Variants in SLC31A1 observed in about 807,000 individuals in gnomAD.
SLC31A1 encodes high affinity copper uptake protein 1.
A neutral mutation model predicts 17.2 loss-of-function variants in SLC31A1; 5 were observed. That is an observed-to-expected ratio of 0.29 (90% CI 0.15 to 0.61). The LOEUF (loss-of-function observed/expected upper bound fraction) is 0.61, where lower values mean the gene tolerates loss of function less well. Ranked by LOEUF, SLC31A1 falls within the 20% of genes least tolerant of loss-of-function variation. SLC31A1 has a pLI of 0.86. For synonymous variants in SLC31A1, 76 were observed against 78.8 expected (o/e 0.96, Z 0.19); for missense variants, 161 against 241.4 (o/e 0.67, Z 2.21).
At position 113,258,914 on chromosome 9, in the gene SLC31A1, C is replaced by T; in HGVS notation, c.371+52C>T. On this transcript the variant is annotated intron_variant, in intron 4 of 4. Transcript: ENST00000374212. This position sits in a 1 kb window ranked among gnomAD's most constrained non-coding sequence, Gnocchi z 4.8. ...GTCCTAAAGAACTCGATCAGTTAAG[C>T]AGCAAAGCGCAGCTGTGTGATCAGC... 1 of 1,556,170 alleles carries T rather than the reference C, an allele frequency of 6.4e-7. No homozygotes were observed. Among genetic ancestry groups the T allele is most frequent in the Non-Finnish European group, 8.9e-7 (1 of 1,127,372 alleles).
intron 1 of SLC31A1, among the ~76,000 whole-genome samples, chr9:113,224,784 T>C (rs957728484): frequency 1.3e-5 from 2 of 152,216 alleles, no homozygotes; most frequent in African/African-American, 4.8e-5. Context: ...GTTTTAGAAA[T>C]AACTACTAGA....
intron 1 of SLC31A1, among the ~76,000 whole-genome samples, chr9:113,233,289 G>A (rs1362746970): frequency 6.6e-6 from 1 of 151,176 alleles, no homozygotes; most frequent in Non-Finnish European, 1.5e-5. Flanking sequence ...TTGAATAGCT[G>A]CCATAATAAA....
At chr9:113,253,047 G>A (rs887046057) in intron 1 of SLC31A1, among the ~76,000 whole-genome samples, 2 of 147,846 alleles carry the variant, frequency 1.4e-5, no homozygotes, top group Admixed American at 1.4e-4. Flanking sequence ...TCCGCCTCCC[G>A]GGTTCACGCC....
chr9:113,228,913 C>T (rs968793802), intron 1 of SLC31A1, among the ~76,000 whole-genome samples: 14 of 150,328 alleles, frequency 9.3e-5, no homozygotes, highest in Non-Finnish European at 1.6e-4. Flanking sequence ...ATAGTGTGAT[C>T]TCGGCTCATT....
At position 113,258,262 on chromosome 9, in the gene SLC31A1, G is replaced by A. The variant is rs1035906275; in HGVS notation, c.203-432G>A. On this transcript the variant is annotated intron_variant, in intron 3 of 4. Coordinates refer to ENST00000374212, the MANE Select transcript of SLC31A1 (RefSeq NM_001859.4). This position sits in a 1 kb window ranked among gnomAD's most constrained non-coding sequence, Gnocchi z 4.8. ...GTTCAGGTAATGTGTTAAATTAGCA[G>A]TTTGAATACATTTATATCATTACCA... Among the ~76,000 whole-genome samples the A allele has an allele frequency of 1.3e-5, 2 of 152,176 alleles. No homozygotes were observed. The highest frequency in any genetic ancestry group is 2.9e-5 in the Non-Finnish European group (2 of 68,034).
intron 1 of SLC31A1, among the ~76,000 whole-genome samples, chr9:113,244,093 T>C (rs879928737): frequency 7.0e-6 from 1 of 142,026 alleles, no homozygotes; most frequent in Non-Finnish European, 1.5e-5. Context: ...AGGCGGAGCT[T>C]TCAGTGAGCC....
At chr9:113,224,600 G>A (rs1288676842) in intron 1 of SLC31A1, among the ~76,000 whole-genome samples, 1 of 152,096 alleles carries the variant, frequency 6.6e-6, no homozygotes, top group South Asian at 2.1e-4. Context: ...GGCTAATTTT[G>A]TATTTTTAGT....
chr9:113,244,505 C>T (rs575226111), intron 1 of SLC31A1, among the ~76,000 whole-genome samples: 1 of 151,896 alleles, frequency 6.6e-6, no homozygotes, highest in South Asian at 2.1e-4. Context: ...CTGTCAGGGT[C>T]AGAAAAAAAC....
At position 113,256,234 on chromosome 9, in the gene SLC31A1, C is replaced by T; in HGVS notation, c.86C>T (p.Ala29Val). Reference protein sequence around the residue: ...QPSHHHPTTSASHSHGGGDSS... With the variant: ...QPSHHHPTTSVSHSHGGGDSS... ...TCTCACCATCACCCAACCACTTCAG[C>T]CTCACACTCCCATGGTGGAGGAGAC... is the stretch of plus-strand genomic sequence containing the variant. The change falls in exon 2 of 5, where the codon GCC becomes GTC. Residue 29 changes from alanine to valine, a missense_variant. Physicochemically the swap from Ala to Val is moderately conservative, Grantham distance 64. Transcript: ENST00000374212. 6.2e-7 allele frequency: 1 copy of T among 1,613,916 alleles called. No homozygotes were observed. The highest frequency in any genetic ancestry group is 8.5e-7 in the Non-Finnish European group (1 of 1,180,002).
intron 1 of SLC31A1, among the ~76,000 whole-genome samples, chr9:113,252,933 A>T (rs1453727023): frequency 6.7e-6 from 1 of 149,550 alleles, no homozygotes; most frequent in African/African-American, 2.5e-5. Context: ...GGCTAGCGAA[A>T]GTCTTTTCTT....
At chr9:113,256,985 C>A in intron 2 of SLC31A1, 128 bp from the exon 3 acceptor site, 1 of 791,398 alleles carries the variant, frequency 1.3e-6, no homozygotes, top group South Asian at 1.4e-5. Context: ...GGGCAAAAGC[C>A]TCCCACTCAC....
At chr9:113,247,213 T>C (rs1831590819) in intron 1 of SLC31A1, among the ~76,000 whole-genome samples, 1 of 152,186 alleles carries the variant, frequency 6.6e-6, no homozygotes. Context: ...ACTAGATAGA[T>C]TTCTCTTTGT....
chr9:113,230,357 A>G (rs1356304208), intron 1 of SLC31A1, among the ~76,000 whole-genome samples: 1 of 152,160 alleles, frequency 6.6e-6, no homozygotes, highest in Non-Finnish European at 1.5e-5. Flanking sequence ...CCAAAGTAGT[A>G]CAAAAGTAGA....
rs963171679 is a variant in SLC31A1 at position 113,258,811 on chromosome 9, C to G, written c.320C>G (p.Pro107Arg). 6.2e-7 allele frequency: 1 copy of G among 1,614,130 alleles called. No individual in the cohort carries two copies. The highest frequency in any genetic ancestry group is 1.3e-5 in the African/African-American group (1 of 74,946). ...GTCAGCATTCGCTACAATTCCATGC[C>G]TGTCCCAGGACCAAATGGAACCATC... is the stretch of plus-strand genomic sequence containing the variant. ...SQVSIRYNSM[P>R]VPGPNGTILM... The change falls in exon 4 of 5, where the codon CCT (proline) becomes CGT (arginine). Residue 107 changes from proline to arginine, a missense_variant. Transcript: ENST00000374212. The surrounding 1 kb of genome is among the most constrained non-coding windows in gnomAD (Gnocchi z 4.8).
At chr9:113,222,205 A>G (rs1388508161) in intron 1 of SLC31A1, among the ~76,000 whole-genome samples, 3 of 152,158 alleles carry the variant, frequency 2.0e-5, no homozygotes, top group Non-Finnish European at 4.4e-5. Context: ...ACCTCGAGGA[A>G]AGTCCCCTTT....
In SLC31A1 at chr9:113,260,611, A is replaced by ACACACACACACACACC; in HGVS notation, c.*139_*140insACACACACACACACCC. The ACACACACACACACACC allele has an allele frequency of 1.4e-6, 1 of 700,762 alleles. No individual in the cohort carries two copies. The highest frequency in any genetic ancestry group is 2.5e-6 in the Non-Finnish European group (1 of 396,984). The allele number at this position is 700,762 out of a possible 1,614,324, so 43.4% of individuals were successfully genotyped here. On this transcript the variant is annotated 3_prime_UTR_variant, in exon 5 of 5. Transcript: ENST00000374212. ...CACACACACACACACACACACACAC[A>ACACACACACACACACC]CCCCTGCTCAACAGAGGTTTAGTTT...
intron 1 of SLC31A1, among the ~76,000 whole-genome samples, chr9:113,228,294 G>A (rs1461776604): frequency 6.6e-6 from 1 of 152,152 alleles, no homozygotes; most frequent in Non-Finnish European, 1.5e-5. Context: ...GGCTACAAAA[G>A]GATCCTGTAA....
chr9:113,249,825 T>G (rs943052150), intron 1 of SLC31A1, among the ~76,000 whole-genome samples: 6 of 150,278 alleles, frequency 4.0e-5, no homozygotes, highest in Non-Finnish European at 7.4e-5. Context: ...CAAACAAATT[T>G]ACAAGAAAAA....
rs140819873 is a variant in SLC31A1, at chr9:113,252,565, A to G, written c.-35-3549A>G. ...TGGCCTCCCAAAGTGCTGGGATTAC[A>G]GGGTGAGCCACCGCACCCAGCCTAG... On this transcript the variant is annotated intron_variant, in intron 1 of 4. Coordinates refer to ENST00000374212, the MANE Select transcript of SLC31A1 (RefSeq NM_001859.4). Among the ~76,000 whole-genome samples, 1,107 of 152,304 alleles carry G rather than the reference A, an allele frequency of 7.3e-3. 9 individuals are homozygous for G. Among genetic ancestry groups the G allele is most frequent in the Non-Finnish European group, 0.012 (802 of 68,020 alleles).
Sources: allele counts gnomAD v4.1 joint callset (sites outside exome capture counted in the v4.1 genomes callset), GRCh38; gene constraint gnomAD v4.1.1; non-coding constraint Gnocchi (gnomAD v3.1); transcripts MANE v1.5; gene names NCBI Gene and HGNC (gene_info 2026-07-23, HGNC 2026-07-21).